Variants in UNC80 observed in about 807,000 individuals in gnomAD.
The protein encoded by UNC80 is unc-80 subunit of NALCN channel complex.
UNC80 carries 164 observed loss-of-function variants against 384.6 expected under a neutral mutation model. The ratio of observed to expected loss-of-function variants is 0.43; its 90% CI spans 0.38 to 0.49. The LOEUF is 0.49. UNC80 is among the 20% of genes least tolerant of loss of function. UNC80 has a pLI of 0.00. For missense variants in UNC80, 3,330 were observed against 4,143.0 expected, an observed-to-expected ratio of 0.80 and a Z score of 5.39; for synonymous variants, 1,486 against 1,527.8, an observed-to-expected ratio of 0.97 and a Z score of 0.64.
In UNC80 at chr2:209,801,594, G is replaced by A. The variant is rs150510810; in HGVS notation, c.938+7735G>A. ...GATGGGGTTTCACCATGTAGGCCAG[G>A]CTGGTCTTGAACTCCAGACCTTGTG... On this transcript the variant is annotated intron_variant, in intron 7 of 64. Transcript: ENST00000673920. 5.9e-3 allele frequency among the ~76,000 whole-genome samples: 879 copies of A among 150,170 alleles called. 15 individuals are homozygous for A. The highest frequency in any genetic ancestry group is 0.02 in the African/African-American group (828 of 40,776).
At chr2:209,932,092 G>A (rs2090923258) in intron 38 of UNC80, among the ~76,000 whole-genome samples, 1 of 152,094 alleles carries the variant, frequency 6.6e-6, no homozygotes, top group South Asian at 2.1e-4. Flanking sequence ...ATATCTGGAT[G>A]GGCACAAACT....
Position 209,894,294 on chromosome 2 carries a change from T to C in UNC80, c.4408T>C (p.Ser1470Pro). 4 of 985,330 alleles carry C rather than the reference T, an allele frequency of 4.1e-6. No homozygotes were observed. Among genetic ancestry groups the C allele is most frequent in the Non-Finnish European group, 4.8e-6 (4 of 829,918 alleles). 61.0% of individuals were successfully genotyped at this position (985,330 alleles called of 1,614,324 possible). A position where few individuals can be genotyped will look rare whatever the true frequency, so the allele number is the denominator to read the frequency against. Reference sequence around the variant, plus strand: ...CGGCAGCTTAAAGAGCAGCAAGTTATCACGGCAGGACTCAGAGTCTGAGGC... The same window carrying C: ...CGGCAGCTTAAAGAGCAGCAAGTTACCACGGCAGGACTCAGAGTCTGAGGC... Reference protein sequence around the residue: ...RVGSLKSSKLSRQDSESEAEE... With the variant: ...RVGSLKSSKLPRQDSESEAEE... Residue 1470 changes from serine to proline, a missense_variant, in exon 27 of 65, where the codon TCA becomes CCA. By Grantham distance (74) the Ser-to-Pro change is moderately conservative (BLOSUM62 -1). Transcript: ENST00000673920.
intron 3 of UNC80, 47 bp downstream of exon 3, chr2:209,776,092 G>A (rs897244527): frequency 6.2e-7 from 1 of 1,610,450 alleles, no homozygotes; most frequent in African/African-American, 1.3e-5. Flanking sequence ...TGCCCTTTGT[G>A]TTCAACACTC....
In UNC80 at chr2:209,777,436, G is replaced by A. The variant is rs1425848369; in HGVS notation, c.477G>A (p.Gly159=). 1.2e-6 allele frequency: 2 copies of A among 1,614,148 alleles called. No homozygotes were observed. Among genetic ancestry groups the A allele is most frequent in the South Asian group, 2.2e-5 (2 of 91,082 alleles). ...IHQVENQGSP[G]QPCQSSSNDE... ...AGGTTGAAAACCAGGGTTCTCCAGG[G>A]CAGCCTTGCCAAAGCAGCTCTAATG... The change falls in exon 4 of 65, where the codon GGG becomes GGA. Residue 159 remains glycine (G), a synonymous_variant. Transcript: ENST00000673920.
chr2:209,875,726 C>T (rs1237729450), intron 23 of UNC80, among the ~76,000 whole-genome samples: 1 of 152,152 alleles, frequency 6.6e-6, no homozygotes, highest in African/African-American at 2.4e-5. Flanking sequence ...TTTCCATGAA[C>T]ATAAATCTTT....
chr2:209,854,796 A>C (rs925928242), intron 22 of UNC80, among the ~76,000 whole-genome samples: 1 of 152,156 alleles, frequency 6.6e-6, no homozygotes, highest in Admixed American at 6.5e-5. Context: ...TCAAGAAACA[A>C]CAGATGCTGG....
At position 209,785,396 on chromosome 2, in the gene UNC80, A is replaced by G. The variant is rs1371370423; in HGVS notation, c.601-670A>G. On this transcript the variant is annotated intron_variant, in intron 4 of 64. Coordinates refer to ENST00000673920, the MANE Select transcript of UNC80 (RefSeq NM_001371986.1). The stretch of plus-strand genomic sequence containing the variant: ...GATAAACTGAGTGAGCATGGGTTGT[A>G]AAGTCAGCCCTATTCAGCAAGTATT... Among the ~76,000 whole-genome samples the G allele has an allele frequency of 2.0e-5, 3 of 152,212 alleles. No individual in the cohort carries two copies. The East Asian group carries it at 5.8e-4, about 29-fold the overall frequency.
At position 209,969,750 on chromosome 2, in the gene UNC80, G is replaced by A. The variant is rs562968565; in HGVS notation, c.8007-18G>A. 9 of 1,551,244 alleles carry A rather than the reference G, an allele frequency of 5.8e-6. No individual in the cohort carries two copies. The highest frequency in any genetic ancestry group is 1.4e-5 in the African/African-American group (1 of 72,988). ...AGAAGGGAGCCAAGACGCTAATGGC[G>A]CCTATATTGTATTCCAGGCGACAGG... On this transcript the variant is annotated intron_variant, in intron 52 of 64. Coordinates refer to ENST00000673920, the MANE Select transcript of UNC80 (RefSeq NM_001371986.1).
At chr2:209,800,978 T>A (rs2153826279) in intron 7 of UNC80, among the ~76,000 whole-genome samples, 1 of 152,322 alleles carries the variant, frequency 6.6e-6, no homozygotes, top group Non-Finnish European at 1.5e-5. Context: ...TCCAATTATG[T>A]AGTCGATTTT....
At chr2:209,989,631 A>C (rs1165967070) in intron 61 of UNC80, among the ~76,000 whole-genome samples, 3 of 152,208 alleles carry the variant, frequency 2.0e-5, no homozygotes, top group Non-Finnish European at 4.4e-5. Flanking sequence ...AATTTAAATA[A>C]AAACTGGACA....
intron 7 of UNC80, among the ~76,000 whole-genome samples, chr2:209,801,150 G>C (rs2078522911): frequency 1.3e-5 from 2 of 151,974 alleles, no homozygotes; most frequent in Non-Finnish European, 2.9e-5. Flanking sequence ...ACTGACATTG[G>C]GGTGTTAAAG....
Position 209,994,173 on chromosome 2 carries a change from CTTCT to C in UNC80, c.9618_9621del (p.Ser3207GlyfsTer17), listed in dbSNP as rs1295986657. The C allele has an allele frequency of 6.4e-7, 1 of 1,551,534 alleles. No homozygotes were observed. The highest frequency in any genetic ancestry group is 8.7e-7 in the Non-Finnish European group (1 of 1,146,952). On this transcript the variant is annotated frameshift_variant, in exon 64 of 65. Transcript: ENST00000673920. LOFTEE classifies it high-confidence loss of function. ...CAACTACAGGGCTGTAGCCCAGCCC[CTTCT>C]AGGAAACCAGAAGCAATGGACGAAC...
intron 29 of UNC80, among the ~76,000 whole-genome samples, chr2:209,908,576 C>T (rs6739769): frequency 0.11 from 16,745 of 152,186 alleles, 1,065 homozygotes; most frequent in South Asian, 0.26. Flanking sequence ...AGATTAAATT[C>T]TTTCCTCTTT....
intron 7 of UNC80, among the ~76,000 whole-genome samples, chr2:209,794,326 A>C (rs2078020189): frequency 6.6e-6 from 1 of 152,126 alleles, no homozygotes; most frequent in Non-Finnish European, 1.5e-5. Context: ...GCTTATAAAC[A>C]CCTTCTCCAG....
chr2:209,891,125 G>A (rs1401630073), intron 26 of UNC80, among the ~76,000 whole-genome samples: 2 of 152,152 alleles, frequency 1.3e-5, no homozygotes, highest in Non-Finnish European at 2.9e-5. Flanking sequence ...AGAAGGAATA[G>A]CCCTGTATAG....
chr2:209,895,622 G>T (rs1483055669), intron 27 of UNC80, among the ~76,000 whole-genome samples: 2 of 152,148 alleles, frequency 1.3e-5, no homozygotes, highest in Non-Finnish European at 2.9e-5. Context: ...GACCAATTGA[G>T]TCAAAATAGC....
At chr2:209,905,300 C>T (rs1413523502) in intron 29 of UNC80, among the ~76,000 whole-genome samples, 2 of 152,158 alleles carry the variant, frequency 1.3e-5, no homozygotes, top group African/African-American at 4.8e-5. Context: ...TTGTGAATAT[C>T]TTCACATGGC....
intron 1 of UNC80, among the ~76,000 whole-genome samples, chr2:209,772,393 G>A (rs2076625066): frequency 6.6e-6 from 1 of 151,584 alleles, no homozygotes; most frequent in Non-Finnish European, 1.5e-5. Flanking sequence ...GGCAGTTGTC[G>A]CATAAATGTA....
intron 51 of UNC80, 101 bp downstream of exon 51, chr2:209,959,808 C>G (rs2092534328): frequency 9.2e-7 from 1 of 1,081,832 alleles, no homozygotes; most frequent in South Asian, 1.6e-5. Context: ...AGGAAAAACT[C>G]TTAATATAGA....
Sources: allele counts gnomAD v4.1 joint callset (sites outside exome capture counted in the v4.1 genomes callset), GRCh38; gene constraint gnomAD v4.1.1; transcripts MANE v1.5; gene names NCBI Gene and HGNC (gene_info 2026-07-23, HGNC 2026-07-21).